The following MTM1 variants were observed in gnomAD, a reference collection of about 807,000 sequenced individuals.
MTM1 encodes myotubularin.
Under a neutral mutation model 52.1 loss-of-function variants are expected in MTM1, and 9 were observed. That is an observed-to-expected ratio of 0.17 (90% CI 0.10 to 0.30). The LOEUF is 0.30. MTM1 is among the 10% of genes least tolerant of loss of function. The probability of loss-of-function intolerance (pLI) is 1.00; values close to 1 mark genes in which losing one functional copy is unlikely to be tolerated. For synonymous variants in MTM1, 136 were observed against 163.8 expected (o/e 0.83, Z 1.29); for missense variants, 277 against 470.7 (o/e 0.59, Z 3.81).
intron 1 of MTM1, among the ~76,000 whole-genome samples, chrX:150,578,131 A>C (rs2038505286): frequency 8.9e-6 from 1 of 111,980 alleles, no homozygotes; most frequent in Non-Finnish European, 1.9e-5. Context: ...TCAGCACAAA[A>C]CCCTTAAAAG....
At chrX:150,578,302 A>G in intron 1 of MTM1, among the ~76,000 whole-genome samples, 1 of 111,743 alleles carries the variant, frequency 8.9e-6, no homozygotes, top group Non-Finnish European at 1.9e-5. Flanking sequence ...CCTAAAGGAA[A>G]TGAGTTCTGC....
chrX:150,617,069 A>G (rs1569565444), intron 5 of MTM1, among the ~76,000 whole-genome samples: 3 of 112,373 alleles, frequency 2.7e-5, no homozygotes, highest in Non-Finnish European at 3.8e-5. Flanking sequence ...CCTGTGAGTC[A>G]TTTGCCTTTT....
At chrX:150,599,399 T>A (rs918512624) in intron 4 of MTM1, among the ~76,000 whole-genome samples, 1 of 111,786 alleles carries the variant, frequency 8.9e-6, no homozygotes, top group Admixed American at 9.5e-5. Flanking sequence ...TTCCAGTGGA[T>A]GTGGTGGGTT....
intron 6 of MTM1, among the ~76,000 whole-genome samples, chrX:150,637,857 G>A (rs2039777105): frequency 8.9e-6 from 1 of 112,205 alleles, no homozygotes; most frequent in South Asian, 3.7e-4. Context: ...GAGATGTGGC[G>A]GGGGAGATGG....
intron 6 of MTM1, among the ~76,000 whole-genome samples, chrX:150,625,823 CCTT>C (rs1434534699): frequency 8.9e-5 from 10 of 112,620 alleles, no homozygotes; most frequent in Non-Finnish European, 1.1e-4. Flanking sequence ...AGATATTTGA[CCTT>C]CTTATGTCAG....
At chrX:150,598,767 T>C in intron 4 of MTM1, 81 bp downstream of exon 4, 1 of 673,873 alleles carries the variant, frequency 1.5e-6, no homozygotes, top group Non-Finnish European at 2.3e-6. Flanking sequence ...TTTGCAAGAT[T>C]GACTGTGGGT....
rs781995333 is a variant in MTM1 at position 150,606,264 on chromosome X, AAAAACAAAAC to A, written c.231+7598_231+7607del. On this transcript the variant is annotated intron_variant, in intron 4 of 14. Coordinates refer to ENST00000370396, the MANE Select transcript of MTM1 (RefSeq NM_000252.3). ...CAAAATGAATGCCTTCTTCACATTA[AAAAACAAAAC>A]AAAACAAAACAAAACAAAAACCTAA... Among the ~76,000 whole-genome samples the A allele has an allele frequency of 5.8e-4, 65 of 111,297 alleles. No individual in the cohort carries two copies. In the East Asian group the frequency reaches 0.014, roughly 23 times the overall value.
intron 8 of MTM1, among the ~76,000 whole-genome samples, chrX:150,645,306 A>G (rs1174088392): frequency 8.9e-6 from 1 of 112,385 alleles, no homozygotes; most frequent in Non-Finnish European, 1.9e-5. Context: ...TACCAGAGAC[A>G]ATTTCCTTTA....
intron 4 of MTM1, among the ~76,000 whole-genome samples, chrX:150,599,708 T>C (rs1557412707): frequency 8.9e-6 from 1 of 111,984 alleles, no homozygotes; most frequent in East Asian, 2.8e-4. Flanking sequence ...CCCACTTTTA[T>C]AGCTGCCCCA....
At chrX:150,570,303 T>C (rs2038346297) in intron 1 of MTM1, among the ~76,000 whole-genome samples, 1 of 111,486 alleles carries the variant, frequency 9.0e-6, no homozygotes, top group Admixed American at 9.5e-5. Context: ...CTCTGAAACC[T>C]TACAATGACA....
intron 12 of MTM1, 83 bp downstream of exon 12, chrX:150,659,839 A>G (rs993752655): frequency 1.2e-6 from 1 of 811,249 alleles, no homozygotes; most frequent in African/African-American, 2.0e-5. Context: ...TTTGACCCCA[A>G]AATAATACAG....
intron 6 of MTM1, among the ~76,000 whole-genome samples, chrX:150,622,909 C>T (rs1231482237): frequency 9.0e-6 from 1 of 111,671 alleles, no homozygotes; most frequent in African/African-American, 3.3e-5. Context: ...GAAGGCCTGC[C>T]CCTCAGTAAA....
intron 10 of MTM1, among the ~76,000 whole-genome samples, chrX:150,651,235 G>T (rs1362865136): frequency 2.0e-5 from 2 of 99,095 alleles, no homozygotes; most frequent in East Asian, 6.1e-4. Context: ...TTGTAAAAGT[G>T]CTATAGAAAG....
At chrX:150,644,481 C>T (rs782482026) in intron 8 of MTM1, among the ~76,000 whole-genome samples, 1 of 112,119 alleles carries the variant, frequency 8.9e-6, no homozygotes, top group South Asian at 3.7e-4. Context: ...AATCTTTTCT[C>T]AATAACCTGT....
intron 4 of MTM1, among the ~76,000 whole-genome samples, chrX:150,612,970 T>G (rs782753922): frequency 1.0e-5 from 1 of 99,285 alleles, no homozygotes; most frequent in South Asian, 4.8e-4. Context: ...GGTGACAGAG[T>G]GAGACTCATC....
intron 1 of MTM1, among the ~76,000 whole-genome samples, chrX:150,573,029 G>T: frequency 8.9e-6 from 1 of 112,656 alleles, no homozygotes; most frequent in Middle Eastern, 4.6e-3. Flanking sequence ...AATAAAAAGG[G>T]CGAGGTTGGA....
intron 10 of MTM1, 115 bp downstream of exon 10, chrX:150,650,016 G>A (rs1232083370): frequency 1.6e-6 from 1 of 615,963 alleles, no homozygotes; most frequent in African/African-American, 2.3e-5. Context: ...AAACTTTGTA[G>A]TAGAGGACCA....
At chrX:150,598,125 A>G (rs981571430) in intron 3 of MTM1, among the ~76,000 whole-genome samples, 5 of 112,027 alleles carry the variant, frequency 4.5e-5, no homozygotes, top group African/African-American at 1.6e-4. Context: ...AAAGATTTCT[A>G]CTGCTGACAT....
intron 1 of MTM1, among the ~76,000 whole-genome samples, chrX:150,583,949 AAT>A (rs1358868888): frequency 2.1e-5 from 1 of 47,152 alleles, no homozygotes; most frequent in African/African-American, 6.2e-5. Context: ...ATATATATTA[AAT>A]ATATGTTAAA....
Sources: gnomAD v4.1 joint callset for allele counts (sites outside exome capture counted in the v4.1 genomes callset) on GRCh38, gnomAD v4.1.1 for gene constraint, MANE v1.5 for transcripts, NCBI Gene and HGNC (gene_info 2026-07-23, HGNC 2026-07-21) for gene names.